PCDH11X: variants seen among roughly 807,000 people sequenced by gnomAD.
PCDH11X encodes the protein protocadherin-11 X-linked.
A neutral mutation model predicts 53.3 loss-of-function variants in PCDH11X; 18 were observed. The ratio of observed to expected loss-of-function variants is 0.34; its 90% confidence interval spans 0.23 to 0.50. PCDH11X has a LOEUF of 0.50. Among genes scored for constraint, PCDH11X ranks in the 20% least tolerant of loss-of-function variants. The probability of loss-of-function intolerance (pLI) is 0.98; values close to 1 mark genes in which losing one functional copy is unlikely to be tolerated. For missense variants in PCDH11X, 570 were observed against 1,032.4 expected, an observed-to-expected ratio of 0.55 and a Z score of 6.14; for synonymous variants, 279 against 393.3, an observed-to-expected ratio of 0.71 and a Z score of 3.44.
At chrX:92,459,794 G>T in intron 9 of PCDH11X, 1 of 1,184,164 alleles carries the variant, frequency 8.4e-7, no homozygotes. Context: ...GGGGGCTCTG[G>T]TTCCCGGATC....
chrX:92,573,256 T>C (rs926632102), intron 10 of PCDH11X, among the ~76,000 whole-genome samples: 4 of 111,857 alleles, frequency 3.6e-5, no homozygotes, highest in African/African-American at 1.3e-4. Context: ...CTTAGGTGTC[T>C]TCAGTTCTTT....
intron 6 of PCDH11X, among the ~76,000 whole-genome samples, chrX:91,959,160 C>T (rs925264136): frequency 2.8e-5 from 3 of 105,873 alleles, no homozygotes; most frequent in Non-Finnish European, 3.9e-5. Flanking sequence ...ATTTTTTAAA[C>T]TTTATTGAGC....
chrX:91,929,814 A>T (rs770456379), intron 6 of PCDH11X, among the ~76,000 whole-genome samples: 1 of 111,285 alleles, frequency 9.0e-6, no homozygotes, highest in African/African-American at 3.3e-5. Flanking sequence ...TTTGACTCTC[A>T]GAAATTTGGT....
chrX:92,404,701 C>G (rs1236697454), intron 9 of PCDH11X, among the ~76,000 whole-genome samples: 3 of 106,292 alleles, frequency 2.8e-5, no homozygotes, highest in Admixed American at 2.1e-4. Flanking sequence ...AGTAGGAGTT[C>G]AAATGGATTG....
intron 4 of PCDH11X, among the ~76,000 whole-genome samples, chrX:91,825,446 C>A (rs184423725): frequency 8.9e-6 from 1 of 111,777 alleles, no homozygotes; most frequent in Non-Finnish European, 1.9e-5. Context: ...TTCCAGGTGC[C>A]GTCCGTCACC....
intron 6 of PCDH11X, among the ~76,000 whole-genome samples, chrX:92,089,244 TC>T (rs2064007260): frequency 9.0e-6 from 1 of 111,471 alleles, no homozygotes; most frequent in Non-Finnish European, 1.9e-5. Context: ...TGATATCCAT[TC>T]ATTAAAACTG....
intron 9 of PCDH11X, among the ~76,000 whole-genome samples, chrX:92,465,941 T>G (rs2073148543): frequency 9.0e-6 from 1 of 111,204 alleles, no homozygotes; most frequent in South Asian, 3.7e-4. Flanking sequence ...AAGTAAGAAT[T>G]TATGCAAACA....
chrX:92,000,008 T>A (rs1186216785), intron 6 of PCDH11X, among the ~76,000 whole-genome samples: 1 of 111,461 alleles, frequency 9.0e-6, no homozygotes, highest in Admixed American at 9.6e-5. Flanking sequence ...GAAGAAATGG[T>A]GTTTCACTAT....
At chrX:92,098,410 T>C (rs1339069031) in intron 6 of PCDH11X, among the ~76,000 whole-genome samples, 1 of 111,422 alleles carries the variant, frequency 9.0e-6, no homozygotes, top group Non-Finnish European at 1.9e-5. Context: ...TTTGTTTTAA[T>C]TAAATAATAT....
chrX:92,325,414 C>G (rs754836471), intron 8 of PCDH11X, among the ~76,000 whole-genome samples: 1 of 111,018 alleles, frequency 9.0e-6, no homozygotes, highest in South Asian at 3.8e-4. Flanking sequence ...GACAATCAAA[C>G]ATAATATTAA....
chrX:92,098,832 A>G (rs915933215), intron 6 of PCDH11X, among the ~76,000 whole-genome samples: 5 of 109,761 alleles, frequency 4.6e-5, no homozygotes, highest in Non-Finnish European at 7.6e-5. Flanking sequence ...TTTATAGTAC[A>G]GACAGGGTTT....
intron 8 of PCDH11X, among the ~76,000 whole-genome samples, chrX:92,265,519 T>C (rs2067811115): frequency 1.8e-5 from 2 of 111,808 alleles, no homozygotes; most frequent in South Asian, 7.4e-4. Context: ...AAAAAAAACA[T>C]ACAAATCTGC....
Position 92,011,682 on chromosome X carries a change from T to C in PCDH11X, c.3033+132409T>C, listed in dbSNP as rs1431510765. ...TCTTAGTGGATGTCATTTCCCATTT[T>C]CCCACCCTGATGCCTTGCTCTATAA... On this transcript the variant is annotated intron_variant, in intron 6 of 10. Transcript: ENST00000682573. Among the ~76,000 whole-genome samples the C allele has an allele frequency of 2.7e-5, 3 of 111,101 alleles. No individual in the cohort carries two copies. In the Admixed American group the frequency reaches 2.9e-4, roughly 11 times the overall value.
intron 6 of PCDH11X, among the ~76,000 whole-genome samples, chrX:91,942,323 A>G (rs1242012591): frequency 1.8e-5 from 2 of 111,096 alleles, no homozygotes; most frequent in African/African-American, 6.5e-5. Flanking sequence ...ATCTCTAGCC[A>G]GACATAAGAA....
intron 6 of PCDH11X, among the ~76,000 whole-genome samples, chrX:92,080,529 G>A (rs1291594904): frequency 9.0e-6 from 1 of 111,284 alleles, no homozygotes; most frequent in Non-Finnish European, 1.9e-5. Context: ...GGAAATGACA[G>A]CACAAGTTGG....
chrX:92,467,496 A>C lies in PCDH11X; in HGVS notation c.3344-803A>C, dbSNP rs1477375094. ...ATTATTTATTAATATTGGCTTTAAA[A>C]TTTTGTAATGAATAAACTTGAGAGT... is the stretch of plus-strand genomic sequence containing the variant. On this transcript the variant is annotated intron_variant, in intron 9 of 10. Coordinates refer to ENST00000682573, the MANE Select transcript of PCDH11X (RefSeq NM_032968.5). Among the ~76,000 whole-genome samples, 4 of 111,425 alleles carry C rather than the reference A, an allele frequency of 3.6e-5. No homozygotes were observed. In the Admixed American group the frequency reaches 3.8e-4, roughly 11 times the overall value.
chrX:92,322,471 AG>A (rs1431661397), intron 8 of PCDH11X, among the ~76,000 whole-genome samples: 1 of 111,605 alleles, frequency 9.0e-6, no homozygotes, highest in Non-Finnish European at 1.9e-5. Flanking sequence ...CAAGGAAAAT[AG>A]GAAGAAGTGG....
chrX:92,086,300 C>A (rs1235720905), intron 6 of PCDH11X, among the ~76,000 whole-genome samples: 4 of 110,877 alleles, frequency 3.6e-5, no homozygotes, highest in Admixed American at 1.9e-4. Context: ...AAAGATATAT[C>A]ATTTCAGGAA....
chrX:91,925,160 C>T lies in PCDH11X; in HGVS notation c.3033+45887C>T, dbSNP rs150794216. Among the ~76,000 whole-genome samples, 573 of 111,163 alleles carry T rather than the reference C, an allele frequency of 5.2e-3. 8 individuals are homozygous for T. Among genetic ancestry groups the T allele is most frequent in the East Asian group, 0.033 (115 of 3,485 alleles). On this transcript the variant is annotated intron_variant, in intron 6 of 10. Coordinates refer to ENST00000682573, the MANE Select transcript of PCDH11X (RefSeq NM_032968.5). ...TTGTACATAAAAAATGGACTTAATA[C>T]ATCTCACCTAACAACACATCATAGA...
Sources: allele counts gnomAD v4.1 joint callset (sites outside exome capture counted in the v4.1 genomes callset), GRCh38; gene constraint gnomAD v4.1.1; transcripts MANE v1.5; gene names NCBI Gene and HGNC (gene_info 2026-07-23, HGNC 2026-07-21).